LHFPL2: variants seen among roughly 807,000 people sequenced by gnomAD.
The protein encoded by LHFPL2 is LHFPL tetraspan subfamily member 2 protein.
In LHFPL2, 7 loss-of-function variants were observed where a neutral mutation model predicts 17.5. The observed-to-expected ratio is 0.40, with a 90% CI of 0.23 to 0.75. LHFPL2 has a LOEUF of 0.75. Ranked by LOEUF, LHFPL2 falls within the 30% of genes least tolerant of loss-of-function variation. The probability of loss-of-function intolerance (pLI) is 0.37; values close to 1 mark genes in which losing one functional copy is unlikely to be tolerated. For synonymous variants in LHFPL2, 134 were observed against 116.2 expected, an observed-to-expected ratio of 1.15 and a Z score of -0.99; for missense variants, 241 against 294.8, an observed-to-expected ratio of 0.82 and a Z score of 1.34.
intron 2 of LHFPL2, among the ~76,000 whole-genome samples, chr5:78,613,426 G>C (rs1744483895): frequency 6.6e-6 from 1 of 152,142 alleles, no homozygotes; most frequent in East Asian, 1.9e-4. Context: ...CCACCGACTA[G>C]TAGAGTGCAT....
At chr5:78,575,182 T>A (rs1307989129) in intron 2 of LHFPL2, among the ~76,000 whole-genome samples, 1 of 152,178 alleles carries the variant, frequency 6.6e-6, no homozygotes, top group Non-Finnish European at 1.5e-5. Context: ...ATCTGTTTCC[T>A]ATATTAGGGT....
At chr5:78,583,509 C>T (rs1743230610) in intron 2 of LHFPL2, among the ~76,000 whole-genome samples, 1 of 149,254 alleles carries the variant, frequency 6.7e-6, no homozygotes, top group Admixed American at 6.6e-5. Flanking sequence ...ATTTGCTTGT[C>T]TGTAAAGTAT....
At chr5:78,529,416 T>C (rs912213893) in intron 3 of LHFPL2, among the ~76,000 whole-genome samples, 6 of 152,148 alleles carry the variant, frequency 3.9e-5, no homozygotes, top group South Asian at 2.1e-4. Context: ...CTGTGAAAGG[T>C]TGAAAAGCAG....
rs758888555 is a variant in LHFPL2 at position 78,509,803 on chromosome 5, C to T, written c.411G>A (p.Gly137=). The change falls in exon 4 of 5, where the codon GGG becomes GGA. Residue 137 remains glycine, a synonymous_variant. Coordinates refer to ENST00000380345, the MANE Select transcript of LHFPL2 (RefSeq NM_005779.3). ...TCTTACCTGCAATTCCTTGCAACAG[C>T]CCACAGACATTGAAGATGCTTTTCT... ...IMKKSIFNVC[G]LLQGIAGLFL... 9 of 1,612,848 alleles carry T rather than the reference C, an allele frequency of 5.6e-6. No individual in the cohort carries two copies. Among genetic ancestry groups the T allele is most frequent in the Non-Finnish European group, 7.6e-6 (9 of 1,178,992 alleles).
chr5:78,638,489 G>A (rs757184225), intron 1 of LHFPL2, among the ~76,000 whole-genome samples: 4 of 152,214 alleles, frequency 2.6e-5, no homozygotes, highest in Admixed American at 6.5e-5. Flanking sequence ...CCTCGTGATC[G>A]TAAATCAGCA....
chr5:78,601,756 T>C (rs1000433342), intron 2 of LHFPL2, among the ~76,000 whole-genome samples: 5 of 152,104 alleles, frequency 3.3e-5, no homozygotes, highest in African/African-American at 1.2e-4. Context: ...CCAGAGGACT[T>C]GGAGGGTGGA....
rs374396291 is a variant in LHFPL2 at position 78,486,389 on chromosome 5, TATTAGAAAAATAA to T, written c.*2495_*2507del. 2 of 152,196 alleles carry T rather than the reference TATTAGAAAAATAA, an allele frequency of 1.3e-5. No homozygotes were observed. The highest frequency in any genetic ancestry group is 4.8e-5 in the African/African-American group (2 of 41,434). 9.4% of individuals were successfully genotyped at this position (152,196 alleles called of 1,614,324 possible). On this transcript the variant is annotated 3_prime_UTR_variant, in exon 5 of 5. Transcript: ENST00000380345. The stretch of plus-strand genomic sequence containing the variant: ...TCCTGGTAGTAATAATGGTCCTATT[TATTAGAAAAATAA>T]GTGTGAGCCAACAATCTATTTTTAA...
chr5:78,635,811 A>ACAAT (rs1745427817), intron 1 of LHFPL2, among the ~76,000 whole-genome samples: 1 of 151,974 alleles, frequency 6.6e-6, no homozygotes, highest in Non-Finnish European at 1.5e-5. Context: ...TCAAAAACAA[A>ACAAT]CAAACAAACA....
intron 2 of LHFPL2, among the ~76,000 whole-genome samples, chr5:78,616,392 G>A (rs1205250874): frequency 6.6e-6 from 1 of 152,118 alleles, no homozygotes; most frequent in African/African-American, 2.4e-5. Context: ...CTCCCAAAGT[G>A]CTGGGATTAC....
intron 2 of LHFPL2, among the ~76,000 whole-genome samples, chr5:78,594,343 G>A (rs941148363): frequency 2.6e-5 from 4 of 152,160 alleles, no homozygotes; most frequent in African/African-American, 9.7e-5. Context: ...CTAACTGTGT[G>A]GCCTTGGACA....
In LHFPL2 at chr5:78,487,766, A is replaced by T. The variant is rs1222842102; in HGVS notation, c.*1131T>A. On this transcript the variant is annotated 3_prime_UTR_variant, in exon 5 of 5. Transcript: ENST00000380345. Reference sequence around the variant, plus strand: ...AACTTTGTCCTCTGTGCTTTCCTGGAATTAAGGTCTTGGCTGCAGTTCTTC... The same window carrying T: ...AACTTTGTCCTCTGTGCTTTCCTGGTATTAAGGTCTTGGCTGCAGTTCTTC... 6.6e-6 allele frequency: 1 copy of T among 152,100 alleles called. No individual in the cohort carries two copies. The allele number at this position is 152,100 out of a possible 1,614,324, so 9.4% of individuals were successfully genotyped here.
intron 3 of LHFPL2, among the ~76,000 whole-genome samples, chr5:78,551,728 A>G (rs756566941): frequency 1.9e-4 from 29 of 152,238 alleles, no homozygotes; most frequent in Non-Finnish European, 3.4e-4. Flanking sequence ...GGTGGGTTAT[A>G]GAAGCCAGAA....
intron 2 of LHFPL2, among the ~76,000 whole-genome samples, chr5:78,606,421 T>C (rs1744213870): frequency 6.6e-6 from 1 of 152,174 alleles, no homozygotes; most frequent in African/African-American, 2.4e-5. Flanking sequence ...TACTAAACAG[T>C]TCCCTAGTGG....
At chr5:78,532,624 C>T (rs1755819752) in intron 3 of LHFPL2, among the ~76,000 whole-genome samples, 1 of 152,132 alleles carries the variant, frequency 6.6e-6, no homozygotes, top group Non-Finnish European at 1.5e-5. Context: ...CAGTTAATAA[C>T]TGATACATGC....
At position 78,489,855 on chromosome 5, in the gene LHFPL2, ATCTAAAATGTTTAC is replaced by A. The variant is rs893932353; in HGVS notation, c.431-716_431-703del. The stretch of plus-strand genomic sequence containing the variant: ...CGACTGCTTTGCTATGGTCTGCAAA[ATCTAAAATGTTTAC>A]TCTAAAATGTTTACTGTCTGGCTTT... On this transcript the variant is annotated intron_variant, in intron 4 of 4. Coordinates refer to ENST00000380345, the MANE Select transcript of LHFPL2 (RefSeq NM_005779.3). Among the ~76,000 whole-genome samples the A allele has an allele frequency of 7.2e-5, 11 of 152,246 alleles. No homozygotes were observed. In the East Asian group the frequency reaches 1.2e-3, roughly 16 times the overall value.
intron 2 of LHFPL2, among the ~76,000 whole-genome samples, chr5:78,612,388 G>C: frequency 6.6e-6 from 1 of 152,178 alleles, no homozygotes; most frequent in East Asian, 1.9e-4. Context: ...CCATTGTATA[G>C]TCATTCCTCC....
chr5:78,601,507 A>G (rs1173061552), intron 2 of LHFPL2, among the ~76,000 whole-genome samples: 1 of 152,198 alleles, frequency 6.6e-6, no homozygotes, highest in Non-Finnish European at 1.5e-5. Context: ...GCCTCCCCCA[A>G]AAGGAACTGT....
intron 2 of LHFPL2, among the ~76,000 whole-genome samples, chr5:78,581,796 T>C (rs568341088): frequency 6.6e-6 from 1 of 152,360 alleles, no homozygotes; most frequent in African/African-American, 2.4e-5. Context: ...AGGATGATGC[T>C]GGCCTCATAA....
chr5:78,544,479 T>C (rs925123386), intron 3 of LHFPL2, among the ~76,000 whole-genome samples: 1 of 152,210 alleles, frequency 6.6e-6, no homozygotes, highest in Non-Finnish European at 1.5e-5. Context: ...AAAAAATCTC[T>C]AAATGAAAAC....
Sources: gnomAD v4.1 joint callset for allele counts (sites outside exome capture counted in the v4.1 genomes callset) on GRCh38, gnomAD v4.1.1 for gene constraint, MANE v1.5 for transcripts, NCBI Gene and HGNC (gene_info 2026-07-23, HGNC 2026-07-21) for gene names.